The following LTBP1 variants were observed in gnomAD, a reference collection of about 807,000 sequenced individuals.
LTBP1 encodes latent transforming growth factor beta binding protein 1, also known as latent-transforming growth factor beta-binding protein 1.
In LTBP1, 129 loss-of-function variants were observed where a neutral mutation model predicts 207.6. The observed-to-expected ratio is 0.62, with a 90% CI of 0.54 to 0.72. The LOEUF is 0.72. LTBP1 is among the 30% of genes least tolerant of loss of function. The pLI is 0.00. For synonymous variants in LTBP1, 963 were observed against 833.7 expected (o/e 1.16, Z -2.67); for missense variants, 2,281 against 2,217.2 (o/e 1.03, Z -0.58).
At chr2:33,079,551 T>C (rs2078278360) in intron 3 of LTBP1, among the ~76,000 whole-genome samples, 1 of 152,194 alleles carries the variant, frequency 6.6e-6, no homozygotes, top group African/African-American at 2.4e-5. Flanking sequence ...ATTTCCATTT[T>C]TACCATATGA....
At chr2:33,313,406 C>T (rs2094215150) in intron 23 of LTBP1, among the ~76,000 whole-genome samples, 1 of 152,182 alleles carries the variant, frequency 6.6e-6, no homozygotes, top group Admixed American at 6.5e-5. Flanking sequence ...AGAAGAGCTT[C>T]AGGAGATTCT....
At chr2:33,057,739 C>T (rs2077073152) in intron 3 of LTBP1, among the ~76,000 whole-genome samples, 2 of 152,246 alleles carry the variant, frequency 1.3e-5, no homozygotes, top group Non-Finnish European at 2.9e-5. Context: ...GCCGCCAAGC[C>T]CACGCTCACC....
At chr2:33,059,741 T>C (rs2077175910) in intron 3 of LTBP1, among the ~76,000 whole-genome samples, 1 of 152,156 alleles carries the variant, frequency 6.6e-6, no homozygotes, top group African/African-American at 2.4e-5. Flanking sequence ...CTTTTTTCCA[T>C]GAAATAGTTA....
At chr2:33,163,234 C>T (rs7420043) in intron 5 of LTBP1, among the ~76,000 whole-genome samples, 5,150 of 152,294 alleles carry the variant, frequency 0.034, 123 homozygotes, top group Middle Eastern at 0.15. Context: ...TTGCCAAGGC[C>T]TCCCAAAGTG....
chr2:33,095,329 A>G (rs1227595804), intron 3 of LTBP1, among the ~76,000 whole-genome samples: 2 of 152,218 alleles, frequency 1.3e-5, no homozygotes, highest in East Asian at 1.9e-4. Context: ...ACATCTATAT[A>G]TAAACTCTTC....
At chr2:33,395,352 T>C (rs946820326) in intron 32 of LTBP1, among the ~76,000 whole-genome samples, 1 of 152,308 alleles carries the variant, frequency 6.6e-6, no homozygotes, top group Admixed American at 6.5e-5. Flanking sequence ...TAAAATTCAG[T>C]GCTTTTACTT....
chr2:33,393,656 G>A (rs1419712756), intron 32 of LTBP1, among the ~76,000 whole-genome samples: 1 of 152,140 alleles, frequency 6.6e-6, no homozygotes, highest in African/African-American at 2.4e-5. Flanking sequence ...ATTCCATGGT[G>A]TATATGTGCC....
At chr2:33,300,429 A>G (rs751692322) in intron 20 of LTBP1, 22 bp from the exon 21 acceptor site, 1 of 1,609,674 alleles carries the variant, frequency 6.2e-7, no homozygotes, top group Non-Finnish European at 8.5e-7. Context: ...TTTCAGAAAA[A>G]TTGCCGTTGT....
chr2:33,197,109 A>C (rs910913128), intron 7 of LTBP1, among the ~76,000 whole-genome samples: 1 of 152,226 alleles, frequency 6.6e-6, no homozygotes, highest in African/African-American at 2.4e-5. Flanking sequence ...AATCAAATAA[A>C]TCATTGGTGT....
chr2:33,122,472 G>C (rs1032022926), intron 4 of LTBP1, among the ~76,000 whole-genome samples: 20 of 152,208 alleles, frequency 1.3e-4, no homozygotes, highest in African/African-American at 4.6e-4. Context: ...AAACCAATCT[G>C]AGGCTGGCCA....
At chr2:32,975,447 TG>T (rs1034984463) in intron 2 of LTBP1, among the ~76,000 whole-genome samples, 4 of 152,140 alleles carry the variant, frequency 2.6e-5, no homozygotes, top group Admixed American at 6.5e-5. Flanking sequence ...GGGAAATTTT[TG>T]TGAAGTGAAT....
intron 2 of LTBP1, among the ~76,000 whole-genome samples, chr2:32,959,621 A>ATTTTTTTTTTTTTTTTTTTTTT (rs397972038): frequency 1.9e-4 from 7 of 36,670 alleles, no homozygotes; most frequent in Admixed American, 5.3e-4. Context: ...ATATATATAT[A>ATTTTTTTTTTTTTTTTTTTTTT]TTTTTTTTTT....
intron 24 of LTBP1, among the ~76,000 whole-genome samples, chr2:33,341,729 A>AAAAAAAAAAAATAT (rs745445793): frequency 1.1e-5 from 1 of 93,634 alleles, no homozygotes; most frequent in African/African-American, 5.1e-5. Flanking sequence ...AAAAAAAAAA[A>AAAAAAAAAAAATAT]ATATATATAT....
At chr2:33,037,473 C>A (rs2075980542) in intron 3 of LTBP1, among the ~76,000 whole-genome samples, 1 of 152,122 alleles carries the variant, frequency 6.6e-6, no homozygotes, top group African/African-American at 2.4e-5. Flanking sequence ...TTCTATTTGA[C>A]TCTTTTCAAA....
At chr2:33,003,406 A>T (rs1206958864) in intron 2 of LTBP1, among the ~76,000 whole-genome samples, 3 of 152,220 alleles carry the variant, frequency 2.0e-5, no homozygotes, top group Non-Finnish European at 4.4e-5. Flanking sequence ...AGGGTTAAAT[A>T]ACTTGCTAAA....
At chr2:33,052,271 G>T (rs1262262611) in intron 3 of LTBP1, among the ~76,000 whole-genome samples, 1 of 152,122 alleles carries the variant, frequency 6.6e-6, no homozygotes, top group African/African-American at 2.4e-5. Context: ...TGTGGTATTT[G>T]GAAAAAATAT....
chr2:33,247,706 C>T (rs899225992), intron 10 of LTBP1, among the ~76,000 whole-genome samples: 3 of 152,214 alleles, frequency 2.0e-5, no homozygotes, highest in African/African-American at 7.2e-5. Flanking sequence ...TCTATCTGTG[C>T]CACCTCATAC....
intron 5 of LTBP1, among the ~76,000 whole-genome samples, chr2:33,172,796 C>G (rs968800221): frequency 6.6e-6 from 1 of 152,092 alleles, no homozygotes; most frequent in Non-Finnish European, 1.5e-5. Context: ...GAAATGATAA[C>G]AAACTGTCTC....
intron 24 of LTBP1, among the ~76,000 whole-genome samples, chr2:33,315,695 G>T (rs1381459287): frequency 6.6e-6 from 1 of 152,136 alleles, no homozygotes; most frequent in Non-Finnish European, 1.5e-5. Flanking sequence ...CAGCACTTTT[G>T]GAGGCCCAGG....
Sources: gnomAD v4.1 joint callset for allele counts (sites outside exome capture counted in the v4.1 genomes callset) on GRCh38, gnomAD v4.1.1 for gene constraint, MANE v1.5 for transcripts, NCBI Gene and HGNC (gene_info 2026-07-23, HGNC 2026-07-21) for gene names.